Variants in VPS53 observed in about 807,000 individuals in gnomAD.
The protein encoded by VPS53 is vacuolar protein sorting-associated protein 53 homolog.
A neutral mutation model predicts 107.0 loss-of-function variants in VPS53; 70 were observed. That is an observed-to-expected ratio of 0.65 (90% CI 0.54 to 0.80). The LOEUF is 0.80. VPS53 is among the 30% of genes least tolerant of loss of function. The pLI is 0.00. For missense variants in VPS53, 917 were observed against 1,049.4 expected (o/e 0.87, Z 1.74); for synonymous variants, 409 against 393.3 (o/e 1.04, Z -0.47).
chr17:522,793 T>C (rs1321241057), intron 19 of VPS53: 6 of 152,240 alleles, frequency 3.9e-5, no homozygotes, highest in Non-Finnish European at 8.8e-5. Flanking sequence ...TCCTAAAGGC[T>C]CACTGACTGC....
chr17:658,854 G>C (rs533887338), intron 5 of VPS53, among the ~76,000 whole-genome samples: 2 of 152,272 alleles, frequency 1.3e-5, no homozygotes, highest in South Asian at 2.1e-4. Context: ...CGTGTGCCCT[G>C]CTCTTTCAGG....
intron 5 of VPS53, chr17:656,776 T>C (rs1237680354): frequency 2.3e-5 from 25 of 1,096,614 alleles, no homozygotes; most frequent in Non-Finnish European, 3.3e-5. Flanking sequence ...AGATCTAACA[T>C]GTCACCCACG....
At chr17:536,242 C>A (rs1440021726) in intron 18 of VPS53, among the ~76,000 whole-genome samples, 1 of 152,074 alleles carries the variant, frequency 6.6e-6, no homozygotes. Context: ...GCTTGTGCAT[C>A]CCAATTTCTA....
intron 12 of VPS53, among the ~76,000 whole-genome samples, chr17:598,109 T>C (rs1046062929): frequency 1.3e-5 from 2 of 152,232 alleles, no homozygotes; most frequent in South Asian, 2.1e-4. Flanking sequence ...GTGCCTGCGA[T>C]TGCAGGCTCG....
rs1464743730 is a variant in VPS53, at chr17:553,411, T to C, written c.1756A>G (p.Asn586Asp). 2 of 1,614,112 alleles carry C rather than the reference T, an allele frequency of 1.2e-6. No homozygotes were observed. Among genetic ancestry groups the C allele is most frequent in the Admixed American group, 1.7e-5 (1 of 60,012 alleles). ...AACGTGTCCATCTCTCCAGTCAGAT[T>C]GATTCGTTCAATCAGACTTACATCC... The part of the protein sequence containing the change: ...KVDVSLIERI[N>D]LTGEMDTFST... Residue 586 changes from asparagine to aspartate, a missense_variant, in exon 16 of 22, where the codon AAT becomes GAT. Transcript: ENST00000437048.
At chr17:635,286 C>T (rs1970148242) in intron 7 of VPS53, among the ~76,000 whole-genome samples, 1 of 152,094 alleles carries the variant, frequency 6.6e-6, no homozygotes, top group South Asian at 2.1e-4. Flanking sequence ...TTTATAGATT[C>T]TGGATATTAG....
Position 611,317 on chromosome 17 carries a change from T to C in VPS53, c.1117-9421A>G, listed in dbSNP as rs375657120. On this transcript the variant is annotated intron_variant, in intron 11 of 21. Coordinates refer to ENST00000437048, the MANE Select transcript of VPS53 (RefSeq NM_001128159.3). ...GCGTGAGCCACCACACCCAGCTGAA[T>C]AGACATTTCTTTAAAGAAGCTGTGC... Among the ~76,000 whole-genome samples the C allele has an allele frequency of 1.1e-4, 17 of 152,294 alleles. 2 individuals are homozygous for C. Among genetic ancestry groups the C allele is most frequent in the African/African-American group, 3.6e-4 (15 of 41,570 alleles).
At chr17:686,376 C>T (rs60173297) in intron 4 of VPS53, among the ~76,000 whole-genome samples, 14,911 of 152,110 alleles carry the variant, frequency 0.098, 811 homozygotes, top group East Asian at 0.21. Flanking sequence ...GAAAAAAAAT[C>T]TATCTGCAGT....
At chr17:593,781 C>T (rs1355138837) in intron 12 of VPS53, among the ~76,000 whole-genome samples, 3 of 152,120 alleles carry the variant, frequency 2.0e-5, no homozygotes, top group Admixed American at 6.5e-5. Flanking sequence ...ACTAGAAATA[C>T]CATTTGACCC....
chr17:707,088 T>TG (rs1226715249), intron 2 of VPS53, among the ~76,000 whole-genome samples: 1 of 152,168 alleles, frequency 6.6e-6, no homozygotes, highest in South Asian at 2.1e-4. Context: ...CCCCCTGGGG[T>TG]GTGAGGAGCA....
intron 7 of VPS53, among the ~76,000 whole-genome samples, chr17:635,382 C>T (rs989949155): frequency 2.0e-5 from 3 of 152,182 alleles, no homozygotes; most frequent in African/African-American, 4.8e-5. Context: ...TTTTGCTGTG[C>T]AGAAGCTCTT....
intron 19 of VPS53, 75 bp downstream of exon 19, chr17:532,767 T>A: frequency 1.9e-6 from 3 of 1,579,934 alleles, no homozygotes; most frequent in Non-Finnish European, 2.6e-6. Context: ...GCCAAGTAGA[T>A]CTGGACTAGA....
chr17:574,820 G>C (rs1005970480), intron 13 of VPS53, among the ~76,000 whole-genome samples: 1 of 152,102 alleles, frequency 6.6e-6, no homozygotes, highest in Non-Finnish European at 1.5e-5. Context: ...CTTTTAAAAC[G>C]AAAAATTTGG....
intron 13 of VPS53, among the ~76,000 whole-genome samples, chr17:585,686 C>G (rs925079180): frequency 6.6e-6 from 1 of 151,910 alleles, no homozygotes; most frequent in Admixed American, 6.6e-5. Flanking sequence ...AGGAACTACT[C>G]AAGATTAAAG....
chr17:700,703 CT>C (rs1204070097), intron 2 of VPS53, among the ~76,000 whole-genome samples: 3 of 152,114 alleles, frequency 2.0e-5, no homozygotes, highest in South Asian at 2.1e-4. Context: ...ATGGTGCCCC[CT>C]AATGGACAAG....
At chr17:540,935 T>C (rs1167891120) in intron 17 of VPS53, among the ~76,000 whole-genome samples, 5 of 152,178 alleles carry the variant, frequency 3.3e-5, no homozygotes, top group Non-Finnish European at 7.4e-5. Flanking sequence ...AGCAGGAACT[T>C]TGACCAGAGA....
intron 13 of VPS53, among the ~76,000 whole-genome samples, chr17:565,219 T>A (rs763838519): frequency 6.6e-6 from 1 of 151,546 alleles, no homozygotes; most frequent in East Asian, 1.9e-4. Context: ...CTGACCAACA[T>A]AGAGAAACCC....
At chr17:526,830 G>T (rs1201457065) in intron 19 of VPS53, among the ~76,000 whole-genome samples, 2 of 152,160 alleles carry the variant, frequency 1.3e-5, no homozygotes, top group African/African-American at 4.8e-5. Flanking sequence ...TACAATTCTT[G>T]GGGACATGAT....
At chr17:596,046 C>G (rs76817043) in intron 12 of VPS53, among the ~76,000 whole-genome samples, 7,025 of 152,044 alleles carry the variant, frequency 0.046, 256 homozygotes, top group Middle Eastern at 0.15. Flanking sequence ...TGTTAGCTGT[C>G]CCCTGGAGGA....
Sources: gnomAD v4.1 joint callset for allele counts (sites outside exome capture counted in the v4.1 genomes callset) on GRCh38, gnomAD v4.1.1 for gene constraint, MANE v1.5 for transcripts, NCBI Gene and HGNC (gene_info 2026-07-23, HGNC 2026-07-21) for gene names.